The following CCDC9B variants were observed in gnomAD, a reference collection of about 807,000 sequenced individuals.
CCDC9B encodes the protein coiled-coil domain-containing protein 9B.
Under a neutral mutation model 47.2 loss-of-function variants are expected in CCDC9B, and 40 were observed. The ratio of observed to expected loss-of-function variants is 0.85; its 90% CI spans 0.66 to 1.10. The LOEUF is 1.10. Ranked by LOEUF, CCDC9B falls within the 50% of genes least tolerant of loss-of-function variation. CCDC9B has a pLI of 0.00. For missense variants in CCDC9B, 662 were observed against 651.0 expected (o/e 1.02, Z -0.18); for synonymous variants, 238 against 250.7 (o/e 0.95, Z 0.48).
At chr15:40,338,420 C>T (rs1889013714) in intron 5 of CCDC9B, 115 bp downstream of exon 5, 2 of 1,224,830 alleles carry the variant, frequency 1.6e-6, no homozygotes, top group African/African-American at 1.5e-5. Context: ...GGAACTCCTG[C>T]ATGTGCTCCC....
chr15:40,336,884 A>G (rs1035989619), intron 7 of CCDC9B, 71 bp from the exon 8 acceptor site: 3 of 1,453,174 alleles, frequency 2.1e-6, no homozygotes, highest in African/African-American at 1.4e-5. Flanking sequence ...CAGTTCTTCC[A>G]GCCTCAGGAA....
intron 5 of CCDC9B, 105 bp from the exon 6 acceptor site, chr15:40,337,998 G>T: frequency 8.7e-7 from 1 of 1,154,528 alleles, no homozygotes; most frequent in Non-Finnish European, 1.3e-6. Context: ...CACATCTCCA[G>T]CTAAAAATTA....
rs763426354 is a variant in CCDC9B, at chr15:40,336,589, G to A, written c.872C>T (p.Thr291Ile). ...CACCTGTTACCTTCGGGCCCTGCCA[G>A]TCAGCCTCTCCTTGCCCCGGGCTTT... The part of the protein sequence containing the change: ...GSKARGKERL[T>I]GRARRWDMKE... The change falls in exon 9 of 11, where the codon ACT becomes ATT. Residue 291 changes from threonine to isoleucine, a missense_variant. Thr to Ile is a moderately conservative substitution (Grantham distance 89). Transcript: ENST00000397536. 6 of 1,612,290 alleles carry A rather than the reference G, an allele frequency of 3.7e-6. No individual in the cohort carries two copies. Among genetic ancestry groups the A allele is most frequent in the Non-Finnish European group, 5.1e-6 (6 of 1,179,702 alleles).
At position 40,335,213 on chromosome 15, in the gene CCDC9B, C is replaced by A; in HGVS notation, c.1418G>T (p.Gly473Val). ...PTRGGSQRSRGTAGVRRRTGR... is the reference protein window; with the variant it reads ...PTRGGSQRSRVTAGVRRRTGR... ...TGTCCTGCGCCTCACACCTGCTGTG[C>A]CTCTCGACCTTTGGCTGCCTCCTCT... is the stretch of plus-strand genomic sequence containing the variant. The change falls in exon 11 of 11, where the codon GGC (glycine) becomes GTC (valine). Residue 473 changes from glycine (G) to valine (V), a missense_variant. Physicochemically the swap from Gly to Val is moderately radical, Grantham distance 109. Transcript: ENST00000397536. 6.4e-7 allele frequency: 1 copy of A among 1,569,360 alleles called. No individual in the cohort carries two copies. Among genetic ancestry groups the A allele is most frequent in the East Asian group, 2.3e-5 (1 of 44,290 alleles).
At chr15:40,338,500 C>G in intron 5 of CCDC9B, 35 bp downstream of exon 5, 1 of 1,604,186 alleles carries the variant, frequency 6.2e-7, no homozygotes, top group Non-Finnish European at 8.5e-7. Context: ...TGAGGACCTT[C>G]AGATCCATGT....
At position 40,339,936 on chromosome 15, in the gene CCDC9B, T is replaced by C. The variant is rs1595714839; in HGVS notation, c.92A>G (p.Lys31Arg). 6.2e-7 allele frequency: 1 copy of C among 1,613,908 alleles called. No homozygotes were observed. The highest frequency in any genetic ancestry group is 8.5e-7 in the Non-Finnish European group (1 of 1,179,908). The change falls in exon 2 of 11, where the codon AAG becomes AGG. Residue 31 changes from lysine to arginine, a missense_variant. Physicochemically the swap from Lys to Arg is conservative, Grantham distance 26 (BLOSUM62 2). Transcript: ENST00000397536. The stretch of plus-strand genomic sequence containing the variant: ...CCTGCGGAGCAAGGCCTGGTTCTTC[T>C]TGCGCAGGGCAACTATCCTCCGATC... Reference protein sequence around the residue: ...ELDRRIVALRKKNQALLRRYQ... With the variant: ...ELDRRIVALRRKNQALLRRYQ...
chr15:40,336,352 C>T (rs1414501527), intron 9 of CCDC9B: 1 of 985,324 alleles, frequency 1.0e-6, no homozygotes, highest in African/African-American at 1.7e-5. Context: ...CCTCATTTCC[C>T]AGGGGAAGGG....
In CCDC9B at chr15:40,337,402, G is replaced by T; in HGVS notation, c.728C>A (p.Ala243Glu). 2 of 1,609,036 alleles carry T rather than the reference G, an allele frequency of 1.2e-6. No individual in the cohort carries two copies. Among genetic ancestry groups the T allele is most frequent in the Non-Finnish European group, 1.7e-6 (2 of 1,177,444 alleles). ...SQLRGEGPAR[A>E]GSRRGPRSHQ... ...TGTGGGCTCACCCCTTCTGCTGCCTGCCCTGGCCGGGCCTTCTCCCCTCAG... is the reference window on the plus strand; with the variant it reads ...TGTGGGCTCACCCCTTCTGCTGCCTTCCCTGGCCGGGCCTTCTCCCCTCAG... Residue 243 changes from alanine (A) to glutamate (E), a missense_variant, in exon 7 of 11, where the codon GCA (alanine) becomes GAA (glutamate). By Grantham distance (107) the Ala-to-Glu change is moderately radical. Transcript: ENST00000397536.
intron 1 of CCDC9B, 117 bp from the exon 2 acceptor site, chr15:40,340,132 G>T: frequency 1.5e-6 from 1 of 654,790 alleles, no homozygotes; most frequent in Non-Finnish European, 2.6e-6. Flanking sequence ...AGGTCACCCA[G>T]GAAGGAAGGG....
intron 1 of CCDC9B, chr15:40,340,447 C>T (rs77582559): frequency 0.058 from 19,900 of 343,410 alleles, 685 homozygotes; most frequent in East Asian, 0.11. Flanking sequence ...AAGGAGAGGC[C>T]CTGGCTCCGT....
chr15:40,332,731 T>A lies in CCDC9B; in HGVS notation c.*2427A>T, dbSNP rs567408478. ...TTGATCACAATCATTTTTGGAGACA[T>A]CTGCCTGATGTCTCCAAAATCTAAG... On this transcript the variant is annotated 3_prime_UTR_variant, in exon 11 of 11. Coordinates refer to ENST00000397536, the MANE Select transcript of CCDC9B (RefSeq NM_207380.3). 1 of 152,232 alleles carries A rather than the reference T, an allele frequency of 6.6e-6. No individual in the cohort carries two copies. Among genetic ancestry groups the A allele is most frequent in the Admixed American group, 6.5e-5 (1 of 15,306 alleles). 9.4% of individuals were successfully genotyped at this position (152,232 alleles called of 1,614,324 possible).
At chr15:40,338,031 G>T in intron 5 of CCDC9B, 138 bp from the exon 6 acceptor site, 1 of 839,544 alleles carries the variant, frequency 1.2e-6, no homozygotes, top group Non-Finnish European at 2.0e-6. Context: ...CTCTCCCGTG[G>T]AAATGGTTTC....
At position 40,338,568 on chromosome 15, in the gene CCDC9B, CG is replaced by C; in HGVS notation, c.479del (p.Thr160SerfsTer44). ...CAGAATCTGAGCTGATGGCCACCTG[CG>C]TGGGGGGGCTTCGGGTCACACGCCC... ...PGGRVTRSPP[T>X]QVAISSDSAR... On this transcript the variant is annotated frameshift_variant, in exon 5 of 11. Coordinates refer to ENST00000397536, the MANE Select transcript of CCDC9B (RefSeq NM_207380.3). LOFTEE classifies it high-confidence loss of function. The C allele has an allele frequency of 6.2e-7, 1 of 1,614,146 alleles. No homozygotes were observed. Among genetic ancestry groups the C allele is most frequent in the Admixed American group, 1.7e-5 (1 of 60,024 alleles).
intron 9 of CCDC9B, chr15:40,336,203 T>TC: frequency 1.0e-6 from 1 of 985,400 alleles, no homozygotes; most frequent in Non-Finnish European, 1.2e-6. Flanking sequence ...GTTCCCTAAA[T>TC]CCAACTATTT....
chr15:40,337,714 A>G lies in CCDC9B; in HGVS notation c.683+10T>C. 6.3e-7 allele frequency: 1 copy of G among 1,584,068 alleles called. No homozygotes were observed. Among genetic ancestry groups the G allele is most frequent in the East Asian group, 2.2e-5 (1 of 44,668 alleles). ...GCACCACAGGCAACCTGCCCAACCC[A>G]GCCACCCACGTGGACTTGGCCTTGT... On this transcript the variant is annotated intron_variant, in intron 6 of 10. Transcript: ENST00000397536.
rs922159298 is a variant in CCDC9B at position 40,331,529 on chromosome 15, G to A, written c.*3629C>T. 6.2e-5 allele frequency: 6 copies of A among 96,876 alleles called. No individual in the cohort carries two copies. The highest frequency in any genetic ancestry group is 1.8e-4 in the African/African-American group (6 of 33,100). The allele number at this position is 96,876 out of a possible 1,614,324, so 6.0% of individuals were successfully genotyped here. A position where few individuals can be genotyped will look rare whatever the true frequency, so the allele number is the denominator to read the frequency against. On this transcript the variant is annotated 3_prime_UTR_variant, in exon 11 of 11. Coordinates refer to ENST00000397536, the MANE Select transcript of CCDC9B (RefSeq NM_207380.3). ...TGTGTGCCACGCTACTGTTAAGACA[G>A]AGTCCAACTCCAACTGCGGGCAGGT...
At position 40,337,820 on chromosome 15, in the gene CCDC9B, T is replaced by G; in HGVS notation, c.587A>C (p.Gln196Pro). 1 of 1,610,730 alleles carries G rather than the reference T, an allele frequency of 6.2e-7. No homozygotes were observed. The change falls in exon 6 of 11, where the codon CAG becomes CCG. Residue 196 changes from glutamine (Q) to proline (P), a missense_variant. Transcript: ENST00000397536. ...GGCTAGGTCGATCTGCTCCCGCTCC[T>G]GCTTCCACTGGGCATAGTCCCAGCC... ...EAGWDYAQWK[Q>P]EREQIDLARL...
chr15:40,339,052 GC>G, intron 3 of CCDC9B, 149 bp from the exon 4 acceptor site: 1 of 885,080 alleles, frequency 1.1e-6, no homozygotes, highest in East Asian at 2.6e-5. Context: ...GTGTTCACAT[GC>G]CAATGGCATG....
intron 7 of CCDC9B, 144 bp downstream of exon 7, chr15:40,337,244 A>G: frequency 1.3e-6 from 1 of 799,908 alleles, no homozygotes. Flanking sequence ...CTCCTCTGAT[A>G]GTGAGGGAGA....
Sources: gnomAD v4.1 joint callset for allele counts on GRCh38, gnomAD v4.1.1 for gene constraint, MANE v1.5 for transcripts, NCBI Gene and HGNC (gene_info 2026-07-23, HGNC 2026-07-21) for gene names.